Variants in GALNT15 observed in about 807,000 individuals in gnomAD.
The protein encoded by GALNT15 is UDP-GalNAc transferase T15.
In GALNT15, 67 loss-of-function variants were observed where a neutral mutation model predicts 66.8. The ratio of observed to expected loss-of-function variants is 1.00; its 90% confidence interval spans 0.82 to 1.23. The LOEUF (loss-of-function observed/expected upper bound fraction) is 1.23. GALNT15 is among the 50% of genes most tolerant of loss of function. GALNT15 has a pLI of 0.00. For missense variants in GALNT15, 827 were observed against 804.3 expected (o/e 1.03, Z -0.34); for synonymous variants, 313 against 311.5 (o/e 1.00, Z -0.05).
At chr3:16,206,391 A>C (rs1303840136) in intron 3 of GALNT15, among the ~76,000 whole-genome samples, 1 of 150,568 alleles carries the variant, frequency 6.6e-6, no homozygotes, top group Non-Finnish European at 1.5e-5. Flanking sequence ...AAAAAAAAAA[A>C]GGCCGGGCGC....
chr3:16,236,828 C>T (rs2064128100), downstream of GALNT15, among the ~76,000 whole-genome samples: 1 of 152,174 alleles, frequency 6.6e-6, no homozygotes, highest in African/African-American at 2.4e-5. Context: ...TTCCAGGGGC[C>T]TTCACTGTTA....
At chr3:16,230,200 G>T (rs368133335), downstream of GALNT15, among the ~76,000 whole-genome samples, 39 of 152,202 alleles carry the variant, frequency 2.6e-4, no homozygotes, top group East Asian at 5.0e-3. The surrounding 1 kb of genome is among the most constrained non-coding windows in gnomAD (Gnocchi z 4.5). Context: ...ATACCACTGG[G>T]GAGAACAGAG....
At chr3:16,239,030 C>T in the GALNT15 span, among the ~76,000 whole-genome samples, 1 of 152,148 alleles carries the variant, frequency 6.6e-6, no homozygotes, top group South Asian at 2.1e-4. The surrounding 1 kb of genome is among the most constrained non-coding windows in gnomAD (Gnocchi z 5.2). Flanking sequence ...TGGTTTCTGT[C>T]TCTTTACCAG....
chr3:16,211,255 C>A lies in GALNT15; in HGVS notation c.1197+14C>A, dbSNP rs548880567. The stretch of plus-strand genomic sequence containing the variant: ...CTGTCTTTCAAGGTATGTCCTGGAC[C>A]AAGGGAGGACAGAGGTGGGATCTCT... On this transcript the variant is annotated intron_variant, in intron 5 of 9. Transcript: ENST00000339732. The surrounding 1 kb of genome is among the most constrained non-coding windows in gnomAD (Gnocchi z 4.3). 16 of 1,520,272 alleles carry A rather than the reference C, an allele frequency of 1.1e-5. No individual in the cohort carries two copies. The highest frequency in any genetic ancestry group is 5.6e-5 in the South Asian group (5 of 89,190). 94.2% of individuals were successfully genotyped at this position (1,520,272 alleles called of 1,614,324 possible).
Position 16,200,674 on chromosome 3 carries a change from A to C in GALNT15, c.762A>C (p.Leu254Phe). The C allele has an allele frequency of 6.2e-7, 1 of 1,606,166 alleles. No homozygotes were observed. The highest frequency in any genetic ancestry group is 8.5e-7 in the Non-Finnish European group (1 of 1,176,358). ...EYVARLEGVK[L>F]LRSNKRLGAI... ...TGGCCAGGCTGGAGGGGGTGAAGTT[A>C]CTCAGGAGCAACAAGAGGCTGGGTG... The change falls in exon 3 of 10, where the codon TTA becomes TTC. Residue 254 changes from leucine to phenylalanine, a missense_variant. Transcript: ENST00000339732. The surrounding 1 kb of genome is among the most constrained non-coding windows in gnomAD (Gnocchi z 4.4).
At chr3:16,207,501 T>TAAAAAAAAAAAAAAAAAAAAA (rs36127239) in intron 3 of GALNT15, among the ~76,000 whole-genome samples, 1 of 39,802 alleles carries the variant, frequency 2.5e-5, no homozygotes, top group Non-Finnish European at 4.2e-5. Flanking sequence ...CTCCAGGCTG[T>TAAAAAAAAAAAAAAAAAAAAA]AAAAAAAAAA....
rs528184562 is a variant in GALNT15, at chr3:16,195,579, T to G, written c.540-181T>G. 1.4e-3 allele frequency among the ~76,000 whole-genome samples: 217 copies of G among 152,200 alleles called. 1 individual carries two copies. Among genetic ancestry groups the G allele is most frequent in the African/African-American group, 4.9e-3 (202 of 41,446 alleles). On this transcript the variant is annotated intron_variant, in intron 1 of 9. Coordinates refer to ENST00000339732, the MANE Select transcript of GALNT15 (RefSeq NM_054110.5). This position sits in a 1 kb window ranked among gnomAD's most constrained non-coding sequence, Gnocchi z 4.6. ...CTCTTGAGATCTGAGAATTGGGAGA[T>G]AGTAGACAGCACCACTATGAGGCGT... is the stretch of plus-strand genomic sequence containing the variant.
chr3:16,191,437 C>A lies in GALNT15; in HGVS notation c.540-4323C>A. 2.8e-6 allele frequency: 2 copies of A among 713,754 alleles called. No individual in the cohort carries two copies. The highest frequency in any genetic ancestry group is 3.4e-6 in the Non-Finnish European group (2 of 581,948). 44.2% of individuals were successfully genotyped at this position (713,754 alleles called of 1,614,324 possible). On this transcript the variant is annotated intron_variant, in intron 1 of 9. Transcript: ENST00000339732. The surrounding 1 kb of genome is among the most constrained non-coding windows in gnomAD (Gnocchi z 5.2). ...TCATTTCATCTCCACAACAGCAAAT[C>A]CCAAAAAGTGGGCCCTACGGCTACC... is the stretch of plus-strand genomic sequence containing the variant.
chr3:16,227,316 G>C lies in GALNT15; in HGVS notation c.1774-38G>C. On this transcript the variant is annotated intron_variant, in intron 9 of 9. Coordinates refer to ENST00000339732, the MANE Select transcript of GALNT15 (RefSeq NM_054110.5). This position sits in a 1 kb window ranked among gnomAD's most constrained non-coding sequence, Gnocchi z 4.5. The stretch of plus-strand genomic sequence containing the variant: ...TTTTCTTTTGCTGACTGATTGTGGG[G>C]GACTGGTTTTCTTTTCTTTTTTCCT... 1 of 1,594,104 alleles carries C rather than the reference G, an allele frequency of 6.3e-7. No homozygotes were observed. The highest frequency in any genetic ancestry group is 2.2e-5 in the East Asian group (1 of 44,758).
chr3:16,207,772 A>G (rs1046382691), intron 3 of GALNT15, among the ~76,000 whole-genome samples: 4 of 152,044 alleles, frequency 2.6e-5, no homozygotes, highest in African/African-American at 9.7e-5. Flanking sequence ...CGTGCACAAT[A>G]TTTTTTATAT....
At chr3:16,205,199 T>C (rs2063744505) in intron 3 of GALNT15, among the ~76,000 whole-genome samples, 1 of 152,216 alleles carries the variant, frequency 6.6e-6, no homozygotes, top group Admixed American at 6.5e-5. Flanking sequence ...CTTCTGCTTC[T>C]AGTATAAGAG....
Position 16,227,535 on chromosome 3 carries a change from A to C in GALNT15, c.*35A>C, listed in dbSNP as rs776054516. 1.2e-6 allele frequency: 2 copies of C among 1,613,954 alleles called. No individual in the cohort carries two copies. The highest frequency in any genetic ancestry group is 1.7e-6 in the Non-Finnish European group (2 of 1,179,966). On this transcript the variant is annotated 3_prime_UTR_variant, in exon 10 of 10. Coordinates refer to ENST00000339732, the MANE Select transcript of GALNT15 (RefSeq NM_054110.5). The surrounding 1 kb of genome is among the most constrained non-coding windows in gnomAD (Gnocchi z 4.5). ...TCAGAAGGAAAAGAGAATTTTGGCC[A>C]TCAAAATCCAGCTCCAAGTGAACTT...
rs2063513476 is a variant in GALNT15, at chr3:16,186,017, G to C, written c.540-9743G>C. On this transcript the variant is annotated intron_variant, in intron 1 of 9. Coordinates refer to ENST00000339732, the MANE Select transcript of GALNT15 (RefSeq NM_054110.5). This position sits in a 1 kb window ranked among gnomAD's most constrained non-coding sequence, Gnocchi z 5.1. ...TCAAGAAAGTGAAAAGACAATCCAA[G>C]AGTAGAAGAAAATGTTTGTAAGTCC... is the stretch of plus-strand genomic sequence containing the variant. Among the ~76,000 whole-genome samples, 1 of 152,118 alleles carries C rather than the reference G, an allele frequency of 6.6e-6. No individual in the cohort carries two copies. Among genetic ancestry groups the C allele is most frequent in the South Asian group, 2.1e-4 (1 of 4,818 alleles).
At position 16,189,988 on chromosome 3, in the gene GALNT15, C is replaced by A. The variant is rs184958410; in HGVS notation, c.540-5772C>A. Among the ~76,000 whole-genome samples, 154 of 152,308 alleles carry A rather than the reference C, an allele frequency of 1.0e-3. No homozygotes were observed. Among genetic ancestry groups the A allele is most frequent in the Admixed American group, 8.4e-3 (129 of 15,300 alleles). On this transcript the variant is annotated intron_variant, in intron 1 of 9. Coordinates refer to ENST00000339732, the MANE Select transcript of GALNT15 (RefSeq NM_054110.5). The surrounding 1 kb of genome is among the most constrained non-coding windows in gnomAD (Gnocchi z 5.1). ...ACAGACTGGGATTTGAACCCAATGC[C>A]AAAACTTCGCCTTTTATCCACTTGA... is the stretch of plus-strand genomic sequence containing the variant.
At chr3:16,208,930 A>G (rs999508362) in intron 4 of GALNT15, among the ~76,000 whole-genome samples, 3 of 152,176 alleles carry the variant, frequency 2.0e-5, no homozygotes, top group African/African-American at 7.2e-5. Flanking sequence ...AGGTGCTACC[A>G]CCATTATATT....
rs1313705587 is a variant in GALNT15 at position 16,193,247 on chromosome 3, G to C, written c.540-2513G>C. ...TTTACTTTGGCTACCAGGGATCTCA[G>C]AGTCAAATTTAAATTCATTCTAGAA... On this transcript the variant is annotated intron_variant, in intron 1 of 9. Transcript: ENST00000339732. This position sits in a 1 kb window ranked among gnomAD's most constrained non-coding sequence, Gnocchi z 4.7. Among the ~76,000 whole-genome samples the C allele has an allele frequency of 6.6e-6, 1 of 152,170 alleles. No homozygotes were observed. The highest frequency in any genetic ancestry group is 1.5e-5 in the Non-Finnish European group (1 of 68,034).
chr3:16,208,400 G>T (rs2063779784), intron 3 of GALNT15, 103 bp from the exon 4 acceptor site: 7 of 1,109,642 alleles, frequency 6.3e-6, no homozygotes, highest in Admixed American at 2.2e-5. Context: ...TTTAGGTACG[G>T]GTGTCTGGTA....
chr3:16,216,260 G>A (rs891605016), intron 6 of GALNT15, among the ~76,000 whole-genome samples: 2 of 152,186 alleles, frequency 1.3e-5, no homozygotes, highest in African/African-American at 2.4e-5. Flanking sequence ...TTTTAAAGCA[G>A]GAGTGAAAGT....
At position 16,219,890 on chromosome 3, in the gene GALNT15, G is replaced by C; in HGVS notation, c.1525-20G>C. 1.3e-6 allele frequency: 2 copies of C among 1,570,452 alleles called. No homozygotes were observed. The highest frequency in any genetic ancestry group is 1.8e-6 in the Non-Finnish European group (2 of 1,141,024). On this transcript the variant is annotated intron_variant, in intron 7 of 9. Coordinates refer to ENST00000339732, the MANE Select transcript of GALNT15 (RefSeq NM_054110.5). This position sits in a 1 kb window ranked among gnomAD's most constrained non-coding sequence, Gnocchi z 4.3. ...ACAGTGGAATCTGGAATTCACTCCT[G>C]TGTGTGTGTCCACTTTCAGCTCCAC...
Sources: gnomAD v4.1 joint callset for allele counts (sites outside exome capture counted in the v4.1 genomes callset) on GRCh38, gnomAD v4.1.1 for gene constraint, Gnocchi (gnomAD v3.1) non-coding constraint, MANE v1.5 for transcripts, NCBI Gene and HGNC (gene_info 2026-07-23, HGNC 2026-07-21) for gene names.